Variants in C10orf90 observed in about 807,000 individuals in gnomAD.
The protein encoded by C10orf90 is (E2-independent) E3 ubiquitin-conjugating enzyme FATS.
Under a neutral mutation model 62.5 loss-of-function variants are expected in C10orf90, and 56 were observed. That is an observed-to-expected ratio of 0.90 (90% CI 0.72 to 1.12). C10orf90 has a LOEUF of 1.12. Among genes scored for constraint, C10orf90 ranks in the 50% most tolerant of loss-of-function variants. The pLI, the probability that C10orf90 is intolerant of heterozygous loss-of-function variation, is 0.00. For synonymous variants in C10orf90, 386 were observed against 340.4 expected (o/e 1.13, Z -1.47); for missense variants, 970 against 880.4 (o/e 1.10, Z -1.29).
At chr10:126,600,188 T>TATCGCATGTGTGTGCACACGTGTGTGC (rs1845171585) in intron 2 of C10orf90, among the ~76,000 whole-genome samples, 1 of 146,172 alleles carries the variant, frequency 6.8e-6, no homozygotes, top group African/African-American at 2.8e-5. Flanking sequence ...CACGTGTGTG[T>TATCGCATGTGTGTGCACACGTGTGTGC]GCATCGCATG....
chr10:126,659,762 C>T (rs1455716264), intron 1 of C10orf90, among the ~76,000 whole-genome samples: 2 of 152,204 alleles, frequency 1.3e-5, no homozygotes, highest in South Asian at 4.1e-4. Flanking sequence ...TGTCTGTGAT[C>T]ACTGAAAAAT....
rs1358915924 is a variant in C10orf90 at position 126,670,291 on chromosome 10, G to A, written c.190C>T (p.His64Tyr). The change falls in exon 1 of 10, where the codon CAT becomes TAT. Residue 64 changes from histidine (H) to tyrosine (Y), a missense_variant. Coordinates refer to ENST00000488181, the MANE Select transcript of C10orf90 (RefSeq NM_001350921.2). The part of the protein sequence containing the change: ...SQRRAKVCII[H>Y]MCQGLKTAEQ... ...GCCGTCTTCAAGCCTTGACACATAT[G>A]GATGATACAAACTTTGGCTCTTCTC... 2 of 456,616 alleles carry A rather than the reference G, an allele frequency of 4.4e-6. No individual in the cohort carries two copies. The highest frequency in any genetic ancestry group is 8.8e-6 in the Non-Finnish European group (2 of 226,956). 28.3% of individuals were successfully genotyped at this position (456,616 alleles called of 1,614,324 possible).
At position 126,461,370 on chromosome 10, in the gene C10orf90, G is replaced by A. The variant is rs751587008; in HGVS notation, c.2010+31C>T. 3 of 1,604,088 alleles carry A rather than the reference G, an allele frequency of 1.9e-6. No homozygotes were observed. In the African/African-American group the frequency reaches 4.2e-5, roughly 23 times the overall value. Reference sequence around the variant, plus strand: ...CCTAGGAAATCTCTCCCTTTGGCAGGAATCAAGCCAGGACACACAGAAGGC... The same window carrying A: ...CCTAGGAAATCTCTCCCTTTGGCAGAAATCAAGCCAGGACACACAGAAGGC... On this transcript the variant is annotated intron_variant, in intron 6 of 9. Coordinates refer to ENST00000488181, the MANE Select transcript of C10orf90 (RefSeq NM_001350921.2).
Position 126,456,015 on chromosome 10 carries a change from C to A in C10orf90, c.2188+3025G>T, listed in dbSNP as rs934570791. Among the ~76,000 whole-genome samples the A allele has an allele frequency of 6.6e-6, 1 of 152,252 alleles. No homozygotes were observed. The highest frequency in any genetic ancestry group is 2.4e-5 in the African/African-American group (1 of 41,476). On this transcript the variant is annotated intron_variant, in intron 7 of 9. Transcript: ENST00000488181. The surrounding 1 kb of genome is among the most constrained non-coding windows in gnomAD (Gnocchi z 4.9). Reference sequence around the variant, plus strand: ...TTGCTTGACAAGCCCCGATCAGAGGCAGCTACCCCAGCACCAAAAGCAAAT... The same window carrying A: ...TTGCTTGACAAGCCCCGATCAGAGGAAGCTACCCCAGCACCAAAAGCAAAT...
At chr10:126,443,303 A>C (rs2134034829) in intron 7 of C10orf90, among the ~76,000 whole-genome samples, 1 of 152,316 alleles carries the variant, frequency 6.6e-6, no homozygotes, top group East Asian at 1.9e-4. Flanking sequence ...AGAAAATCCA[A>C]ATAACCTCAA....
chr10:126,562,893 A>T (rs1357716997), intron 2 of C10orf90, among the ~76,000 whole-genome samples: 1 of 152,192 alleles, frequency 6.6e-6, no homozygotes, highest in Admixed American at 6.5e-5. Flanking sequence ...AGAGACCAAG[A>T]TTCCCAGAGG....
At chr10:126,505,107 G>A (rs1295691461) in intron 3 of C10orf90, 22 bp from the exon 4 acceptor site, 1 of 1,584,232 alleles carries the variant, frequency 6.3e-7, no homozygotes, top group South Asian at 1.2e-5. Context: ...AAAAGATCCC[G>A]ATTATTCAAG....
chr10:126,629,798 G>A (rs1477009827), intron 2 of C10orf90, among the ~76,000 whole-genome samples: 1 of 151,948 alleles, frequency 6.6e-6, no homozygotes, highest in African/African-American at 2.4e-5. Context: ...GAAGACAGGA[G>A]CCATGAGCCC....
intron 2 of C10orf90, among the ~76,000 whole-genome samples, chr10:126,598,657 G>T (rs748015029): frequency 6.6e-6 from 1 of 152,178 alleles, no homozygotes; most frequent in Non-Finnish European, 1.5e-5. Flanking sequence ...TGCAGTTGGT[G>T]TGTGAGCTGC....
chr10:126,484,521 G>A (rs1861328313), intron 4 of C10orf90, among the ~76,000 whole-genome samples: 1 of 152,142 alleles, frequency 6.6e-6, no homozygotes, highest in Admixed American at 6.5e-5. Flanking sequence ...CAAAAATAAT[G>A]TATTTTTCAC....
intron 4 of C10orf90, among the ~76,000 whole-genome samples, chr10:126,478,819 C>T (rs1338807932): frequency 6.6e-6 from 1 of 152,080 alleles, no homozygotes; most frequent in East Asian, 1.9e-4. Flanking sequence ...TGTGTTGTGT[C>T]CCCTGGGGAA....
At chr10:126,534,661 T>C (rs1299165974) in intron 2 of C10orf90, among the ~76,000 whole-genome samples, 3 of 152,290 alleles carry the variant, frequency 2.0e-5, no homozygotes, top group Non-Finnish European at 2.9e-5. Flanking sequence ...GATATCACCA[T>C]TGGGTCCGGG....
intron 4 of C10orf90, among the ~76,000 whole-genome samples, chr10:126,474,107 G>A (rs112334572): frequency 2.6e-5 from 4 of 152,242 alleles, no homozygotes; most frequent in East Asian, 1.9e-4. Flanking sequence ...CACTGAATCC[G>A]AATCTGCATT....
chr10:126,438,133 A>G (rs1402738447), intron 7 of C10orf90, among the ~76,000 whole-genome samples: 2 of 152,196 alleles, frequency 1.3e-5, no homozygotes, highest in African/African-American at 2.4e-5. Context: ...GGCAAGGTGC[A>G]TTGTTAGGCA....
At chr10:126,430,479 C>T (rs1857506014) in intron 7 of C10orf90, among the ~76,000 whole-genome samples, 1 of 152,100 alleles carries the variant, frequency 6.6e-6, no homozygotes, top group South Asian at 2.1e-4. Context: ...ATGATGTTCA[C>T]AGATGGCACA....
chr10:126,491,117 T>C (rs1325123637), intron 4 of C10orf90, among the ~76,000 whole-genome samples: 3 of 152,210 alleles, frequency 2.0e-5, no homozygotes, highest in Non-Finnish European at 2.9e-5. Context: ...TTGCAAAATA[T>C]GTAAATGATC....
At chr10:126,549,831 C>T (rs993445536) in intron 2 of C10orf90, among the ~76,000 whole-genome samples, 2 of 151,688 alleles carry the variant, frequency 1.3e-5, no homozygotes, top group Admixed American at 6.6e-5. Flanking sequence ...TATCATGGGA[C>T]GCTCAACAAA....
intron 2 of C10orf90, among the ~76,000 whole-genome samples, chr10:126,604,517 T>C (rs1845266466): frequency 6.6e-6 from 1 of 152,236 alleles, no homozygotes; most frequent in Non-Finnish European, 1.5e-5. Flanking sequence ...AGCTCTGCTA[T>C]TCAAGGCAGG....
chr10:126,476,763 T>G (rs7919269), intron 4 of C10orf90, among the ~76,000 whole-genome samples: 55,510 of 152,070 alleles, frequency 0.37, 11,112 homozygotes, highest in African/African-American at 0.54. Flanking sequence ...GCTTTGCCCC[T>G]TGAGACCACT....
Sources: allele counts gnomAD v4.1 joint callset (sites outside exome capture counted in the v4.1 genomes callset), GRCh38; gene constraint gnomAD v4.1.1; non-coding constraint Gnocchi (gnomAD v3.1); transcripts MANE v1.5; gene names NCBI Gene and HGNC (gene_info 2026-07-23, HGNC 2026-07-21).